MBD5: variants seen among roughly 807,000 people sequenced by gnomAD.
MBD5 encodes the protein methyl-CpG-binding domain protein 5.
MBD5 carries 13 observed loss-of-function variants against 117.3 expected under a neutral mutation model. That is an observed-to-expected ratio of 0.11 (90% CI 0.07 to 0.18). The LOEUF (loss-of-function observed/expected upper bound fraction) is 0.18, where lower values mean the gene tolerates loss of function less well. Among genes scored for constraint, MBD5 ranks in the 10% least tolerant of loss-of-function variants. The pLI is 1.00. For missense variants in MBD5, 1,879 were observed against 2,093.8 expected (o/e 0.90, Z 2.00); for synonymous variants, 727 against 766.4 (o/e 0.95, Z 0.85).
intron 3 of MBD5, among the ~76,000 whole-genome samples, chr2:148,285,037 G>C (rs1408187010): frequency 6.6e-6 from 1 of 152,154 alleles, no homozygotes; most frequent in Non-Finnish European, 1.5e-5. Flanking sequence ...AGCAGACTAG[G>C]ACCACAGCAG....
Position 148,490,320 on chromosome 2 carries a change from T to C in MBD5, c.4688T>C (p.Val1563Ala), listed in dbSNP as rs1345295984. The change falls in exon 11 of 14, where the codon GTC becomes GCC. Residue 1563 changes from valine (V) to alanine (A), a missense_variant. Physicochemically the swap from Val to Ala is moderately conservative, Grantham distance 64. This residue lies in a region of MBD5 where 1,666 missense variants were observed against 1,792.2 expected (regional missense o/e 0.93). Transcript: ENST00000642680. The part of the protein sequence containing the change: ...SSSNSLENSL[V>A]KDYIHYNGDF... ...TCAAATAGTTTGGAAAATTCTCTGG[T>C]CAAAGACTACATCCATTACAATGGA... 3 of 1,614,040 alleles carry C rather than the reference T, an allele frequency of 1.9e-6. No individual in the cohort carries two copies. The highest frequency in any genetic ancestry group is 1.7e-6 in the Non-Finnish European group (2 of 1,180,028).
intron 3 of MBD5, among the ~76,000 whole-genome samples, chr2:148,265,546 C>T (rs1700836219): frequency 4.4e-4 from 1 of 2,260 alleles, no homozygotes; most frequent in African/African-American, 5.1e-4. Flanking sequence ...TGATAAAAAA[C>T]TATTTTTTCA....
At chr2:148,215,196 A>T (rs1275583991) in intron 2 of MBD5, among the ~76,000 whole-genome samples, 2 of 152,276 alleles carry the variant, frequency 1.3e-5, no homozygotes, top group East Asian at 3.9e-4. Context: ...TATTCTACAT[A>T]TTCTTTCTTA....
intron 1 of MBD5, chr2:148,026,523 C>G (rs1171984481): frequency 6.6e-6 from 1 of 152,186 alleles, no homozygotes; most frequent in Non-Finnish European, 1.5e-5. Context: ...GTAATCCCAG[C>G]TACTCGGAGG....
intron 1 of MBD5, among the ~76,000 whole-genome samples, chr2:148,174,254 T>C (rs902696946): frequency 6.6e-6 from 1 of 152,052 alleles, no homozygotes; most frequent in East Asian, 1.9e-4. Context: ...TATCCACATA[T>C]AGAAGAACAA....
At chr2:148,417,816 T>G (rs1316663297) in intron 4 of MBD5, among the ~76,000 whole-genome samples, 1 of 152,008 alleles carries the variant, frequency 6.6e-6, no homozygotes. Flanking sequence ...GGGTTTTTTT[T>G]TGTGCGGGGG....
At chr2:148,264,535 C>T (rs1700810588) in intron 3 of MBD5, 1 of 152,004 alleles carries the variant, frequency 6.6e-6, no homozygotes, top group Non-Finnish European at 1.5e-5. Flanking sequence ...GTATGATTCA[C>T]GATAGTTGCT....
chr2:148,197,237 G>C (rs996464148), intron 2 of MBD5, among the ~76,000 whole-genome samples: 23 of 152,128 alleles, frequency 1.5e-4, no homozygotes, highest in African/African-American at 4.1e-4. Flanking sequence ...ACTGAGCCAC[G>C]TGAGAGGCTG....
chr2:148,021,624 T>G lies in MBD5; in HGVS notation c.-985T>G. 3 of 450,434 alleles carry G rather than the reference T, an allele frequency of 6.7e-6. No homozygotes were observed. The highest frequency in any genetic ancestry group is 8.8e-6 in the Non-Finnish European group (2 of 227,934). The allele number at this position is 450,434 out of a possible 1,614,324, so 27.9% of individuals were successfully genotyped here. A position where few individuals can be genotyped will look rare whatever the true frequency, so the allele number is the denominator to read the frequency against. On this transcript the variant is annotated 5_prime_UTR_variant, in exon 1 of 14. The change creates a new upstream start codon in the 5' untranslated region. Transcript: ENST00000642680. ...CTCCTCCTCCACTCCCCCCCTTTATTACCCTTTGTGTCATCCTCCACAGCT... is the reference window on the plus strand; with the variant it reads ...CTCCTCCTCCACTCCCCCCCTTTATGACCCTTTGTGTCATCCTCCACAGCT...
chr2:148,151,918 G>A (rs1437309434), intron 1 of MBD5, among the ~76,000 whole-genome samples: 2 of 151,896 alleles, frequency 1.3e-5, no homozygotes, highest in Non-Finnish European at 2.9e-5. Context: ...ATTTTTGAAG[G>A]GTTTTTTGTG....
chr2:148,327,676 T>TTGG (rs1227592150), intron 3 of MBD5, among the ~76,000 whole-genome samples: 3 of 151,930 alleles, frequency 2.0e-5, no homozygotes, highest in Non-Finnish European at 2.9e-5. Flanking sequence ...TTATCGAGCC[T>TTGG]TGGTTTTCAG....
intron 1 of MBD5, among the ~76,000 whole-genome samples, chr2:148,102,747 GAGAGAGA>G: frequency 8.2e-6 from 1 of 122,032 alleles, no homozygotes; most frequent in Non-Finnish European, 1.8e-5. Context: ...GAGAGAGAGA[GAGAGAGA>G]GAGAGAGGAA....
At chr2:148,273,457 G>A (rs1051269614) in intron 3 of MBD5, among the ~76,000 whole-genome samples, 7 of 152,094 alleles carry the variant, frequency 4.6e-5, no homozygotes, top group African/African-American at 1.7e-4. Context: ...TAAGACTGGT[G>A]TTTGGGGTAT....
chr2:148,240,421 GAA>G (rs67526946), intron 3 of MBD5, among the ~76,000 whole-genome samples: 2,163 of 148,590 alleles, frequency 0.015, 56 homozygotes, highest in African/African-American at 0.047. Flanking sequence ...TATAATTAAA[GAA>G]AAAAAAAAAA....
At chr2:148,242,886 T>C (rs1700246640) in intron 3 of MBD5, among the ~76,000 whole-genome samples, 1 of 152,222 alleles carries the variant, frequency 6.6e-6, no homozygotes, top group Admixed American at 6.5e-5. Context: ...TTTTGTGTTA[T>C]TTTTAAGCAG....
At chr2:148,478,579 T>TG (rs1329767156) in intron 8 of MBD5, among the ~76,000 whole-genome samples, 2 of 152,022 alleles carry the variant, frequency 1.3e-5, no homozygotes, top group African/African-American at 4.8e-5. Flanking sequence ...AAAAGAAACC[T>TG]GTCCTACTGG....
At chr2:148,303,460 G>C (rs1421931851) in intron 3 of MBD5, among the ~76,000 whole-genome samples, 1 of 152,100 alleles carries the variant, frequency 6.6e-6, no homozygotes, top group Non-Finnish European at 1.5e-5. Flanking sequence ...AGACAAAGAG[G>C]AGTTTTCCAG....
At chr2:148,263,480 A>G (rs1157142592) in intron 3 of MBD5, among the ~76,000 whole-genome samples, 1 of 152,172 alleles carries the variant, frequency 6.6e-6, no homozygotes, top group African/African-American at 2.4e-5. Context: ...ATTAAGGGTC[A>G]ACTTTTGGTG....
At position 148,021,183 on chromosome 2, in the gene MBD5, C is replaced by A; in HGVS notation, c.-1426C>A. 1 of 190,292 alleles carries A rather than the reference C, an allele frequency of 5.3e-6. No homozygotes were observed. The highest frequency in any genetic ancestry group is 7.6e-5 in the South Asian group (1 of 13,242). The allele number at this position is 190,292 out of a possible 1,614,324, so 11.8% of individuals were successfully genotyped here. On this transcript the variant is annotated 5_prime_UTR_variant, in exon 1 of 14. Coordinates refer to ENST00000642680, the MANE Select transcript of MBD5 (RefSeq NM_001378120.1). ...CCTTTTATTTCTATTTTTAAAGGGACAGGACACTAATTCTACCCCACTTCA... is the reference window on the plus strand; with the variant it reads ...CCTTTTATTTCTATTTTTAAAGGGAAAGGACACTAATTCTACCCCACTTCA...
Sources: gnomAD v4.1 joint callset for allele counts (sites outside exome capture counted in the v4.1 genomes callset) on GRCh38, gnomAD v4.1.1 for gene constraint, gnomAD v4.1.1 regional missense constraint, MANE v1.5 for transcripts, NCBI Gene and HGNC (gene_info 2026-07-23, HGNC 2026-07-21) for gene names.